The following PIGL variants were observed in gnomAD, a reference collection of about 807,000 sequenced individuals.
PIGL encodes phosphatidylinositol glycan anchor biosynthesis class L, also known as N-acetylglucosaminyl-phosphatidylinositol de-N-acetylase.
In PIGL, 22 loss-of-function variants were observed where a neutral mutation model predicts 31.1. That is an observed-to-expected ratio of 0.71 (90% CI 0.51 to 1.01). The LOEUF is 1.01. PIGL is among the 50% of genes least tolerant of loss of function. The probability of loss-of-function intolerance (pLI) is 0.00; values close to 1 mark genes in which losing one functional copy is unlikely to be tolerated. For missense variants in PIGL, 302 were observed against 315.9 expected, an observed-to-expected ratio of 0.96 and a Z score of 0.33; for synonymous variants, 131 against 117.4, an observed-to-expected ratio of 1.12 and a Z score of -0.75.
At chr17:16,257,543 T>A (rs1051641745) in intron 2 of PIGL, among the ~76,000 whole-genome samples, 4 of 152,192 alleles carry the variant, frequency 2.6e-5, no homozygotes, top group African/African-American at 9.6e-5. Context: ...AGGTGCAGCA[T>A]GTACCAGATG....
rs552161154 is a variant in PIGL, at chr17:16,234,529, C to T, written c.335+459C>T. Among the ~76,000 whole-genome samples, 3 of 152,226 alleles carry T rather than the reference C, an allele frequency of 2.0e-5. No homozygotes were observed. The South Asian group carries it at 6.2e-4, about 32-fold the overall frequency. On this transcript the variant is annotated intron_variant, in intron 2 of 6. Coordinates refer to ENST00000225609, the MANE Select transcript of PIGL (RefSeq NM_004278.4). ...CTGTAATCCCAGCACTTTGGGAGGC[C>T]GAGGTGGGCAGATCACCTCAGGTCA...
chr17:16,244,910 T>G (rs2142710733), intron 2 of PIGL, among the ~76,000 whole-genome samples: 1 of 152,250 alleles, frequency 6.6e-6, no homozygotes, highest in South Asian at 2.1e-4. Flanking sequence ...GCTCCTGAGC[T>G]CAAGCAACCC....
intron 2 of PIGL, chr17:16,282,158 T>G: frequency 2.3e-6 from 1 of 429,324 alleles, no homozygotes; most frequent in South Asian, 1.6e-5. Flanking sequence ...AATTAGCACA[T>G]ATCCCAAATT....
At chr17:16,283,105 C>T (rs774214382) in intron 2 of PIGL, among the ~76,000 whole-genome samples, 7 of 151,922 alleles carry the variant, frequency 4.6e-5, no homozygotes, top group South Asian at 4.2e-4. Flanking sequence ...TGGGTTTAAG[C>T]GATTCTCCTG....
intron 1 of PIGL, among the ~76,000 whole-genome samples, chr17:16,219,592 G>T (rs2092616690): frequency 6.6e-6 from 1 of 150,784 alleles, no homozygotes; most frequent in Non-Finnish European, 1.5e-5. Context: ...TTTTGAGATG[G>T]AGTCTCACTC....
At chr17:16,266,849 A>T (rs2092845834) in intron 2 of PIGL, among the ~76,000 whole-genome samples, 1 of 141,154 alleles carries the variant, frequency 7.1e-6, no homozygotes, top group Non-Finnish European at 1.6e-5. Flanking sequence ...TGCCTGCCTC[A>T]GCCTCCCAAA....
At chr17:16,255,136 T>C (rs2092788714) in intron 2 of PIGL, among the ~76,000 whole-genome samples, 1 of 152,212 alleles carries the variant, frequency 6.6e-6, no homozygotes, top group Non-Finnish European at 1.5e-5. Flanking sequence ...ACAAACTAAT[T>C]TCTGAGTCTT....
chr17:16,310,180 C>T (rs1032089594), intron 3 of PIGL, among the ~76,000 whole-genome samples: 6 of 151,742 alleles, frequency 4.0e-5, no homozygotes, highest in African/African-American at 1.5e-4. Context: ...AAAATTCTTC[C>T]ATTACCCACC....
intron 2 of PIGL, among the ~76,000 whole-genome samples, chr17:16,265,686 G>A (rs1033139518): frequency 1.3e-5 from 2 of 151,658 alleles, no homozygotes; most frequent in Non-Finnish European, 2.9e-5. Context: ...GTTGCAATGA[G>A]CCAAGATCGC....
chr17:16,293,747 A>G (rs1264139489), intron 2 of PIGL, among the ~76,000 whole-genome samples: 2 of 152,242 alleles, frequency 1.3e-5, no homozygotes, highest in Non-Finnish European at 1.5e-5. Context: ...GAGTTGTACC[A>G]TGTACCACCT....
At chr17:16,281,964 C>T in intron 2 of PIGL, 1 of 465,942 alleles carries the variant, frequency 2.1e-6, no homozygotes, top group South Asian at 1.5e-5. Context: ...TCTGCTATTG[C>T]CCCCAGACAA....
intron 2 of PIGL, among the ~76,000 whole-genome samples, chr17:16,273,078 A>G (rs1600808623): frequency 6.6e-6 from 1 of 152,196 alleles, no homozygotes; most frequent in African/African-American, 2.4e-5. Context: ...AGCATATACT[A>G]TATCTCAAAT....
intron 2 of PIGL, among the ~76,000 whole-genome samples, chr17:16,282,757 T>C (rs541387031): frequency 6.6e-6 from 1 of 152,318 alleles, no homozygotes; most frequent in African/African-American, 2.4e-5. Flanking sequence ...CTCATACATA[T>C]ATCCTGATGT....
At chr17:16,224,583 C>T (rs1301397774) in intron 1 of PIGL, among the ~76,000 whole-genome samples, 1 of 152,084 alleles carries the variant, frequency 6.6e-6, no homozygotes, top group Non-Finnish European at 1.5e-5. Flanking sequence ...GCTGGGATTA[C>T]AGGATGAGCC....
At chr17:16,219,201 CCA>C (rs1317801576) in intron 1 of PIGL, among the ~76,000 whole-genome samples, 1 of 151,772 alleles carries the variant, frequency 6.6e-6, no homozygotes, top group Non-Finnish European at 1.5e-5. Flanking sequence ...CGCCCGCCCG[CCA>C]CCATGCCCAG....
intron 2 of PIGL, among the ~76,000 whole-genome samples, chr17:16,292,941 G>A (rs1202185050): frequency 2.0e-5 from 3 of 152,156 alleles, no homozygotes; most frequent in African/African-American, 7.2e-5. Context: ...TGTCTCTTAA[G>A]GAAGCATCCA....
chr17:16,253,973 A>C (rs1042815496), intron 2 of PIGL, among the ~76,000 whole-genome samples: 1 of 151,684 alleles, frequency 6.6e-6, no homozygotes, highest in Non-Finnish European at 1.5e-5. Context: ...ACGTCCCAGT[A>C]CCCCAATCTA....
chr17:16,257,289 C>T (rs902173849), intron 2 of PIGL, among the ~76,000 whole-genome samples: 2 of 151,970 alleles, frequency 1.3e-5, no homozygotes, highest in Non-Finnish European at 2.9e-5. Flanking sequence ...TGGCGGCGGG[C>T]GCCTGTAATC....
At chr17:16,303,197 T>C (rs979325896) in intron 3 of PIGL, among the ~76,000 whole-genome samples, 7 of 152,208 alleles carry the variant, frequency 4.6e-5, no homozygotes, top group African/African-American at 1.7e-4. Flanking sequence ...TGAGCCCTTT[T>C]TGAGGCTCCG....
Sources: allele counts gnomAD v4.1 joint callset (sites outside exome capture counted in the v4.1 genomes callset), GRCh38; gene constraint gnomAD v4.1.1; transcripts MANE v1.5; gene names NCBI Gene and HGNC (gene_info 2026-07-23, HGNC 2026-07-21).